Variants in TSHZ3 observed in about 807,000 individuals in gnomAD.
TSHZ3 encodes the protein teashirt homolog 3.
A neutral mutation model predicts 64.5 loss-of-function variants in TSHZ3; 10 were observed. The ratio of observed to expected loss-of-function variants is 0.16; its 90% CI spans 0.10 to 0.26. The LOEUF (loss-of-function observed/expected upper bound fraction) is 0.26, where lower values mean the gene tolerates loss of function less well. Among genes scored for constraint, TSHZ3 ranks in the 10% least tolerant of loss-of-function variants. The pLI is 1.00. For missense variants in TSHZ3, 1,242 were observed against 1,421.7 expected (o/e 0.87, Z 2.03); for synonymous variants, 608 against 593.1 (o/e 1.03, Z -0.36).
chr19:31,192,700 A>G (rs535291200), intron 5 of TSHZ3, among the ~76,000 whole-genome samples: 7 of 152,286 alleles, frequency 4.6e-5, no homozygotes, highest in African/African-American at 1.7e-4. Flanking sequence ...CACCTATGTA[A>G]ACTGCACTCC....
At chr19:31,288,228 G>C (rs1487244306) in intron 1 of TSHZ3, among the ~76,000 whole-genome samples, 4 of 152,166 alleles carry the variant, frequency 2.6e-5, no homozygotes, top group African/African-American at 4.8e-5. Flanking sequence ...TCCCAAGCAG[G>C]CTCTCCAGGA....
At chr19:31,212,050 C>CT (rs112482043) in intron 4 of TSHZ3, among the ~76,000 whole-genome samples, 2,051 of 146,468 alleles carry the variant, frequency 0.014, 39 homozygotes, top group African/African-American at 0.045. Context: ...TTCTTTCTCT[C>CT]TTTTTTTTTT....
At chr19:31,281,488 A>C (rs1467708374) in intron 1 of TSHZ3, among the ~76,000 whole-genome samples, 1 of 152,188 alleles carries the variant, frequency 6.6e-6, no homozygotes, top group African/African-American at 2.4e-5. Context: ...ACTAAGCAAG[A>C]GTCTTGTCCA....
intron 4 of TSHZ3, among the ~76,000 whole-genome samples, chr19:31,208,367 G>C (rs1046350734): frequency 2.0e-5 from 3 of 152,070 alleles, no homozygotes; most frequent in South Asian, 2.1e-4. Flanking sequence ...TAACATTCAG[G>C]CTCCCAAGAA....
chr19:31,290,551 G>C (rs1214876474), intron 1 of TSHZ3, among the ~76,000 whole-genome samples: 1 of 152,156 alleles, frequency 6.6e-6, no homozygotes, highest in African/African-American at 2.4e-5. Context: ...CTGGTACCGA[G>C]GAGGTGACAA....
rs116458919 is a variant in TSHZ3, at chr19:31,190,135, G to C, written n.809+14821C>G. 6.8e-3 allele frequency among the ~76,000 whole-genome samples: 1,039 copies of C among 152,170 alleles called. 14 individuals carry two copies. The highest frequency in any genetic ancestry group is 0.022 in the African/African-American group (912 of 41,530). ...TCTCACTATCTATGCCTTTTAATTG[G>C]ATTAAAGTTTGGGAAAGCTTAAATG... is the stretch of plus-strand genomic sequence containing the variant. On this transcript the variant is annotated intron_variant and non_coding_transcript_variant, in intron 5 of 6. Transcript: ENST00000651361.
At chr19:31,229,612 G>A (rs1496638) in intron 3 of TSHZ3, among the ~76,000 whole-genome samples, 55,260 of 152,100 alleles carry the variant, frequency 0.36, 14,182 homozygotes, top group African/African-American at 0.72. Flanking sequence ...CCATAAAGTA[G>A]AATCTTGATG....
At chr19:31,256,201 G>A (rs1313571611) in intron 1 of TSHZ3, among the ~76,000 whole-genome samples, 1 of 152,136 alleles carries the variant, frequency 6.6e-6, no homozygotes. Flanking sequence ...GGAACACAGA[G>A]GAATCCACTC....
At chr19:31,269,703 T>C (rs1976107053) in intron 1 of TSHZ3, among the ~76,000 whole-genome samples, 1 of 152,036 alleles carries the variant, frequency 6.6e-6, no homozygotes, top group African/African-American at 2.4e-5. Context: ...AAGAAAAAAA[T>C]GAAAGTGAAA....
chr19:31,166,075 C>A (rs1482721112), intron 5 of TSHZ3, among the ~76,000 whole-genome samples: 1 of 152,190 alleles, frequency 6.6e-6, no homozygotes, highest in African/African-American at 2.4e-5. Context: ...ACAGCGCCAG[C>A]AGCTTTTTTC....
rs199546310 is a variant in TSHZ3 at position 31,278,819 on chromosome 19, G to A, written c.974C>T (p.Ser325Phe). Residue 325 changes from serine (S) to phenylalanine (F), a missense_variant, in exon 2 of 2, where the codon TCC becomes TTC. By Grantham distance (155) the Ser-to-Phe change is radical. Transcript: ENST00000240587. The surrounding 1 kb of genome is among the most constrained non-coding windows in gnomAD (Gnocchi z 4.7). ...GGAGCTGGGGAGCTCCAGCTCCAGG[G>A]AAGCTTTCTTCCGAGTGGCAGGGAT... is the stretch of plus-strand genomic sequence containing the variant. ...KIIPATRKKA[S>F]LELELPSSPD... The A allele has an allele frequency of 2.5e-5, 40 of 1,614,076 alleles. No individual in the cohort carries two copies. The highest frequency in any genetic ancestry group is 3.1e-5 in the Non-Finnish European group (37 of 1,180,044).
rs138576761 is a variant in TSHZ3 at position 31,333,471 on chromosome 19, C to T, written c.40+15709G>A. ...GACCTGGATCGGCCCTTTTCACCCG[C>T]ATATCATCTTGAACCCAAACAGTCC... On this transcript the variant is annotated intron_variant, in intron 1 of 1. Transcript: ENST00000240587. Among the ~76,000 whole-genome samples the T allele has an allele frequency of 9.9e-5, 15 of 152,258 alleles. No individual in the cohort carries two copies. In the East Asian group the frequency reaches 2.9e-3, roughly 30 times the overall value.
At chr19:31,204,608 T>C (rs1451382018) in intron 5 of TSHZ3, 1 of 152,262 alleles carries the variant, frequency 6.6e-6, no homozygotes, top group African/African-American at 2.4e-5. Context: ...TTTTAATCTT[T>C]AGATGTGTGT....
chr19:31,183,774 T>C (rs953904790), intron 5 of TSHZ3, among the ~76,000 whole-genome samples: 1 of 152,154 alleles, frequency 6.6e-6, no homozygotes, highest in African/African-American at 2.4e-5. Context: ...ATTTTGCTTC[T>C]TCATCCCCCA....
At chr19:31,266,347 C>T (rs1241518101) in intron 1 of TSHZ3, among the ~76,000 whole-genome samples, 2 of 152,086 alleles carry the variant, frequency 1.3e-5, no homozygotes. Context: ...GGCTGTGGTC[C>T]CAGCTACTAG....
At chr19:31,346,751 A>G (rs945666768) in intron 1 of TSHZ3, among the ~76,000 whole-genome samples, 3 of 152,044 alleles carry the variant, frequency 2.0e-5, no homozygotes, top group Non-Finnish European at 2.9e-5. Flanking sequence ...AAAAGAGGAG[A>G]AAAAAATGGG....
chr19:31,222,229 G>A (rs1465569352), intron 4 of TSHZ3, among the ~76,000 whole-genome samples: 2 of 152,200 alleles, frequency 1.3e-5, no homozygotes, highest in Admixed American at 6.5e-5. Context: ...CGTCACAGAA[G>A]ACTAAATGTA....
chr19:31,201,274 G>C (rs1488517930), intron 5 of TSHZ3, among the ~76,000 whole-genome samples: 1 of 152,088 alleles, frequency 6.6e-6, no homozygotes, highest in African/African-American at 2.4e-5. Flanking sequence ...CACATACACA[G>C]ATGGATGAGA....
intron 3 of TSHZ3, among the ~76,000 whole-genome samples, chr19:31,239,616 T>C (rs1259197964): frequency 6.6e-6 from 1 of 152,172 alleles, no homozygotes; most frequent in Middle Eastern, 3.2e-3. Flanking sequence ...GACAGAGTAC[T>C]GTTCTGTCAG....
Sources: gnomAD v4.1 joint callset for allele counts (sites outside exome capture counted in the v4.1 genomes callset) on GRCh38, gnomAD v4.1.1 for gene constraint, Gnocchi (gnomAD v3.1) non-coding constraint, MANE v1.5 for transcripts, NCBI Gene and HGNC (gene_info 2026-07-23, HGNC 2026-07-21) for gene names.